Variants in TRIM9 observed in about 807,000 individuals in gnomAD.
The protein encoded by TRIM9 is tripartite motif containing 9.
In TRIM9, 26 loss-of-function variants were observed where a neutral mutation model predicts 78.3. That is an observed-to-expected ratio of 0.33 (90% CI 0.24 to 0.46). TRIM9 has a LOEUF of 0.46. TRIM9 is among the 20% of genes least tolerant of loss of function. TRIM9 has a pLI of 1.00. For synonymous variants in TRIM9, 398 were observed against 416.5 expected (o/e 0.96, Z 0.54); for missense variants, 787 against 1,036.4 (o/e 0.76, Z 3.30).
intron 2 of TRIM9, among the ~76,000 whole-genome samples, chr14:51,024,763 A>G (rs1304076699): frequency 3.9e-5 from 6 of 152,178 alleles, no homozygotes; most frequent in Admixed American, 1.3e-4. Context: ...GAAGAAAAGA[A>G]GAAAGAAAGG....
intron 5 of TRIM9, among the ~76,000 whole-genome samples, chr14:51,002,902 C>A (rs1430844494): frequency 1.3e-5 from 2 of 152,212 alleles, no homozygotes; most frequent in African/African-American, 4.8e-5. Flanking sequence ...GAGAAGAAAT[C>A]ATGTTTTAAG....
intron 5 of TRIM9, among the ~76,000 whole-genome samples, chr14:51,003,274 C>T (rs1002809519): frequency 6.6e-6 from 1 of 152,098 alleles, no homozygotes; most frequent in Admixed American, 6.5e-5. Flanking sequence ...CTTCAAAGGG[C>T]TTGTAGAGAC....
chr14:51,023,031 C>A (rs941923946), intron 2 of TRIM9, 74 bp from the exon 3 acceptor site: 2 of 1,590,908 alleles, frequency 1.3e-6, no homozygotes, highest in Non-Finnish European at 1.7e-6. Flanking sequence ...AGAGCTCCCC[C>A]ATCCTGCTGA....
Position 51,010,502 on chromosome 14 carries a change from TAA to T in TRIM9, c.1042-10_1042-9del. On this transcript the variant is annotated splice_polypyrimidine_tract_variant and intron_variant, in intron 3 of 12. Coordinates refer to ENST00000684578, the MANE Select transcript of TRIM9 (RefSeq NM_001387360.1). ...GATCTGATCTCGAACCACCTAGGAT[TAA>T]AAAAAAAACAACAGAACAGTCCAAG... 2.1e-6 allele frequency: 3 copies of T among 1,459,256 alleles called. No homozygotes were observed. Among genetic ancestry groups the T allele is most frequent in the Non-Finnish European group, 2.8e-6 (3 of 1,074,930 alleles). 90.4% of individuals were successfully genotyped at this position (1,459,256 alleles called of 1,614,324 possible).
At chr14:51,016,283 C>A (rs1226276963) in intron 3 of TRIM9, among the ~76,000 whole-genome samples, 1 of 152,168 alleles carries the variant, frequency 6.6e-6, no homozygotes, top group East Asian at 1.9e-4. Context: ...AGAAACCGGG[C>A]TGCACAGCAG....
Position 50,979,433 on chromosome 14 carries a change from A to G in TRIM9, c.2279T>C (p.Val760Ala), listed in dbSNP as rs1386393516. 4 of 1,614,110 alleles carry G rather than the reference A, an allele frequency of 2.5e-6. No homozygotes were observed. Among genetic ancestry groups the G allele is most frequent in the African/African-American group, 2.7e-5 (2 of 74,940 alleles). ...GACCGCAGGGAAGAAGAGGCCCTCCACGTTATCAAATGCTATGGGACCTTG... is the reference window on the plus strand; with the variant it reads ...GACCGCAGGGAAGAAGAGGCCCTCCGCGTTATCAAATGCTATGGGACCTTG... ...EQQGPIAFDN[V>A]EGLFFPAVSL... is the part of the protein sequence containing the mutation. The change falls in exon 12 of 13, where the codon GTG becomes GCG. Residue 760 changes from valine to alanine, a missense_variant. Physicochemically the swap from Val to Ala is moderately conservative, Grantham distance 64. Transcript: ENST00000684578.
intron 1 of TRIM9, among the ~76,000 whole-genome samples, chr14:51,069,192 T>C (rs1450149560): frequency 1.3e-5 from 2 of 152,210 alleles, no homozygotes; most frequent in African/African-American, 2.4e-5. Context: ...CTTTCTTAGA[T>C]TGATTCCATT....
At chr14:51,000,963 A>G (rs2054906628) in intron 5 of TRIM9, 123 bp from the exon 6 acceptor site, 1 of 1,143,458 alleles carries the variant, frequency 8.7e-7, no homozygotes, top group African/African-American at 1.5e-5. Flanking sequence ...TGCACAGGGG[A>G]ACTGAACAGG....
At chr14:51,017,731 C>CT (rs2057350153) in intron 3 of TRIM9, among the ~76,000 whole-genome samples, 1 of 152,190 alleles carries the variant, frequency 6.6e-6, no homozygotes, top group African/African-American at 2.4e-5. Context: ...AGAGGTGTCA[C>CT]CCATATCTGG....
At chr14:51,015,085 T>C (rs2057008853) in intron 3 of TRIM9, among the ~76,000 whole-genome samples, 1 of 152,226 alleles carries the variant, frequency 6.6e-6, no homozygotes. Context: ...TATTGATCAT[T>C]TGAACAGTTT....
At chr14:50,983,188 G>C (rs10873039) in intron 9 of TRIM9, among the ~76,000 whole-genome samples, 192 bp downstream of exon 9, 131,783 of 152,258 alleles carry the variant, frequency 0.87, 57,426 homozygotes, top group African/African-American at 0.95. Flanking sequence ...GAAAAGTAAG[G>C]TTTGAGGCAT....
intron 1 of TRIM9, among the ~76,000 whole-genome samples, chr14:51,060,980 G>A (rs55852741): frequency 0.2 from 30,000 of 152,130 alleles, 3,136 homozygotes; most frequent in Non-Finnish European, 0.24. Context: ...ATTTTAATAA[G>A]TTATATAAAA....
At chr14:51,070,550 A>G (rs76152035) in intron 1 of TRIM9, among the ~76,000 whole-genome samples, 13,994 of 149,816 alleles carry the variant, frequency 0.093, 885 homozygotes, top group African/African-American at 0.18. Flanking sequence ...GAATATTTGC[A>G]TTATAATGGT....
At chr14:51,084,452 A>G (rs1420037517) in intron 1 of TRIM9, among the ~76,000 whole-genome samples, 2 of 152,242 alleles carry the variant, frequency 1.3e-5, no homozygotes, top group Non-Finnish European at 2.9e-5. Context: ...GTGTGTAAAC[A>G]TCATTCAGCT....
chr14:51,002,288 AT>A (rs71121618), intron 5 of TRIM9, among the ~76,000 whole-genome samples: 30,776 of 147,284 alleles, frequency 0.21, 3,516 homozygotes, highest in Non-Finnish European at 0.26. Flanking sequence ...CGGCTGGCTG[AT>A]TTTTTTTTTT....
intron 1 of TRIM9, among the ~76,000 whole-genome samples, chr14:51,060,630 C>T (rs1421619264): frequency 6.6e-6 from 1 of 152,154 alleles, no homozygotes; most frequent in African/African-American, 2.4e-5. Flanking sequence ...CCACGCCCGG[C>T]TAATTTTTTT....
At position 51,094,243 on chromosome 14, in the gene TRIM9, C is replaced by G. The variant is rs757917407; in HGVS notation, c.697G>C (p.Glu233Gln). ...PRKVSTCTDH[E>Q]LENHSMYCVQ... ...CAGTACATGCTGTGGTTCTCCAGCT[C>G]GTGGTCTGTGCAGGTGGAGACCTTG... The change falls in exon 1 of 13, where the codon GAG becomes CAG. Residue 233 changes from glutamate to glutamine, a missense_variant. Glu to Gln is a conservative substitution (Grantham distance 29, BLOSUM62 2). Around this residue, in one of 3 missense-constraint regions of TRIM9, gnomAD observed 352 missense variants for 472.3 expected, o/e 0.75. Transcript: ENST00000684578. 6.2e-7 allele frequency: 1 copy of G among 1,614,232 alleles called. No individual in the cohort carries two copies. The highest frequency in any genetic ancestry group is 8.5e-7 in the Non-Finnish European group (1 of 1,180,044).
chr14:51,071,201 A>G (rs1012185279), intron 1 of TRIM9, among the ~76,000 whole-genome samples: 2 of 151,562 alleles, frequency 1.3e-5, no homozygotes, highest in Admixed American at 6.6e-5. Flanking sequence ...ACATGGCAAA[A>G]CCCTATCTCT....
chr14:50,979,561 G>T lies in TRIM9; in HGVS notation c.2163-12C>A. 1 of 1,609,794 alleles carries T rather than the reference G, an allele frequency of 6.2e-7. No individual in the cohort carries two copies. The highest frequency in any genetic ancestry group is 1.3e-5 in the African/African-American group (1 of 74,670). ...TCCCTCCCTCAGTTCTGTAGGAAAA[G>T]AGAAAAATTGGGGTTCATTTCCTTG... is the stretch of plus-strand genomic sequence containing the variant. On this transcript the variant is annotated splice_polypyrimidine_tract_variant and intron_variant, in intron 11 of 12. Coordinates refer to ENST00000684578, the MANE Select transcript of TRIM9 (RefSeq NM_001387360.1).
Sources: gnomAD v4.1 joint callset for allele counts (sites outside exome capture counted in the v4.1 genomes callset) on GRCh38, gnomAD v4.1.1 for gene constraint, gnomAD v4.1.1 regional missense constraint, MANE v1.5 for transcripts, NCBI Gene and HGNC (gene_info 2026-07-23, HGNC 2026-07-21) for gene names.